Variants in DMBT1 observed in about 807,000 individuals in gnomAD.
DMBT1 encodes the protein deleted in malignant brain tumors 1, also known as scavenger receptor cysteine-rich domain-containing protein DMBT1.
Under a neutral mutation model 252.9 loss-of-function variants are expected in DMBT1, and 198 were observed. The ratio of observed to expected loss-of-function variants is 0.78; its 90% confidence interval spans 0.70 to 0.88. DMBT1 has a LOEUF of 0.88. Among genes scored for constraint, DMBT1 ranks in the 40% least tolerant of loss-of-function variants. The probability of loss-of-function intolerance (pLI) is 0.00; values close to 1 mark genes in which losing one functional copy is unlikely to be tolerated. For missense variants in DMBT1, 2,432 were observed against 2,404.7 expected (o/e 1.01, Z -0.24); for synonymous variants, 990 against 942.7 (o/e 1.05, Z -0.92).
Position 122,579,786 on chromosome 10 carries a change from T to G in DMBT1, c.888T>G (p.Ile296Met). 1.2e-6 allele frequency: 2 copies of G among 1,607,422 alleles called. No individual in the cohort carries two copies. The highest frequency in any genetic ancestry group is 1.7e-6 in the Non-Finnish European group (2 of 1,173,838). ...NAQFGQGSGP[I>M]VLDDVRCSGH... ...AGTTTGGCCAGGGCTCAGGACCCAT[T>G]GTCCTGGATGATGTGCGCTGCTCAG... The change falls in exon 10 of 56, where the codon ATT (isoleucine) becomes ATG (methionine). Residue 296 changes from isoleucine to methionine, a missense_variant. By Grantham distance (10) the Ile-to-Met change is conservative. This residue lies in a region of DMBT1 where 1,264 missense variants were observed against 1,082.2 expected (regional missense o/e 1.17). Transcript: ENST00000338354.
intron 8 of DMBT1, 142 bp downstream of exon 8, chr10:122,577,982 G>T: frequency 2.3e-6 from 2 of 867,586 alleles, no homozygotes; most frequent in Admixed American, 2.6e-5. Context: ...TGAGACCCTA[G>T]CATGGGGCTT....
rs75209396 is a variant in DMBT1 at position 122,570,905 on chromosome 10, C to G, written c.155C>G (p.Ser52Trp). 0.015 allele frequency: 24,272 copies of G among 1,613,340 alleles called. 1,509 individuals carry two copies. The African/African-American group carries it at 0.19, about 13-fold the overall frequency. Residue 52 changes from serine (S) to tryptophan (W), a missense_variant, in exon 4 of 56, where the codon TCG becomes TGG. Transcript: ENST00000338354. ...CACCCTGCAGGTTCTCCATTTCCCT[C>G]GGAGTCGACCCTGGAGTCAACTGTA... ...PTVAEGSPFP[S>W]ESTLESTVAE...
At chr10:122,581,016 C>G in intron 11 of DMBT1, 121 bp downstream of exon 11, 1 of 1,466,912 alleles carries the variant, frequency 6.8e-7, no homozygotes. Flanking sequence ...TATTTCCACC[C>G]CCAACACCGG....
chr10:122,599,129 T>TG, intron 26 of DMBT1, 32 bp downstream of exon 26: 4 of 1,612,936 alleles, frequency 2.5e-6, no homozygotes, highest in Non-Finnish European at 3.4e-6. Flanking sequence ...ATCACTCTCT[T>TG]GGGGTGGAGT....
At chr10:122,642,220 A>C (rs1844689934) in intron 55 of DMBT1, among the ~76,000 whole-genome samples, 1 of 152,046 alleles carries the variant, frequency 6.6e-6, no homozygotes. Flanking sequence ...ATTTGAGAGA[A>C]TCTGGGTTGC....
At chr10:122,628,455 G>A (rs1380934045) in intron 46 of DMBT1, among the ~76,000 whole-genome samples, 3 of 152,150 alleles carry the variant, frequency 2.0e-5, no homozygotes, top group Admixed American at 6.5e-5. Flanking sequence ...GGACAACGTG[G>A]TGAAACCCTG....
Position 122,579,609 on chromosome 10 carries a change from G to C in DMBT1, c.711G>C (p.Val237=), listed in dbSNP as rs538862158. The change falls in exon 10 of 56, where the codon GTG becomes GTC. Residue 237 remains valine, a synonymous_variant. Coordinates refer to ENST00000338354, the MANE Select transcript of DMBT1 (RefSeq NM_001377530.1). ...AATCCAGTTTGGCCCTGAGGCTGGTGAATGGAGGCGACAGGTGTCGAGGCC... is the reference window on the plus strand; with the variant it reads ...AATCCAGTTTGGCCCTGAGGCTGGTCAATGGAGGCGACAGGTGTCGAGGCC... ...GSESSLALRL[V]NGGDRCRGRV... 1.4e-5 allele frequency: 22 copies of C among 1,613,526 alleles called. No individual in the cohort carries two copies. In the African/African-American group the frequency reaches 2.7e-4, roughly 20 times the overall value.
In DMBT1 at chr10:122,632,841, T is replaced by A. The variant is rs1377818797; in HGVS notation, c.6368-20T>A. The A allele has an allele frequency of 1.2e-6, 2 of 1,613,268 alleles. No individual in the cohort carries two copies. ...AGGGATGCCAGAAAACTGATCCTGA[T>A]CTTTTCTTTTTGTCAACAGCTCCTT... On this transcript the variant is annotated intron_variant, in intron 50 of 55. Coordinates refer to ENST00000338354, the MANE Select transcript of DMBT1 (RefSeq NM_001377530.1).
Position 122,620,316 on chromosome 10 carries a change from T to TAGG in DMBT1, c.5284+26_5284+28dup, listed in dbSNP as rs767966112. On this transcript the variant is annotated intron_variant, in intron 43 of 55. Transcript: ENST00000338354. ...GGTAAATAATCCTCTCGCCCCTCCC[T>TAGG]AGGGCTCACTCTCTACCTCTGGACA... is the stretch of plus-strand genomic sequence containing the variant. The TAGG allele has an allele frequency of 4.3e-6, 7 of 1,612,772 alleles. No individual in the cohort carries two copies. In the Admixed American group the frequency reaches 1.2e-4, roughly 27 times the overall value.
intron 26 of DMBT1, among the ~76,000 whole-genome samples, chr10:122,599,373 G>A (rs535007403): frequency 1.3e-5 from 2 of 152,266 alleles, no homozygotes; most frequent in South Asian, 2.1e-4. Context: ...GCTCCCCAGG[G>A]CTCCATTTCT....
rs758435002 is a variant in DMBT1 at position 122,599,103 on chromosome 10, C to A, written c.3280+6C>A. 6.2e-6 allele frequency: 10 copies of A among 1,613,696 alleles called. No homozygotes were observed. In the South Asian group the frequency reaches 8.8e-5, roughly 14 times the overall value. ...CGCTGGTGTCATCTGCTCAGGTGGGCCTTCAAGAACTTGGGATCACTCTCT... is the reference window on the plus strand; with the variant it reads ...CGCTGGTGTCATCTGCTCAGGTGGGACTTCAAGAACTTGGGATCACTCTCT... On this transcript the variant is annotated splice_donor_region_variant and intron_variant, in intron 26 of 55. Transcript: ENST00000338354.
At chr10:122,631,796 C>T (rs896625143) in intron 49 of DMBT1, 59 bp from the exon 50 acceptor site, 22 of 1,594,884 alleles carry the variant, frequency 1.4e-5, no homozygotes, top group East Asian at 1.3e-4. Flanking sequence ...TGTCTCATTC[C>T]GGCCCCTCCT....
chr10:122,576,580 C>G lies in DMBT1; in HGVS notation c.465C>G (p.Ala155=). The change falls in exon 7 of 56, where the codon GCC becomes GCG. Residue 155 remains alanine (A), a synonymous_variant. Coordinates refer to ENST00000338354, the MANE Select transcript of DMBT1 (RefSeq NM_001377530.1). ...GGGCCATGTCAGCTCCAGGAAATGC[C>G]TGGTTTGGCCAGGGCTCAGGACCCA... ...CGWAMSAPGN[A]WFGQGSGPIA... The G allele has an allele frequency of 6.2e-7, 1 of 1,613,920 alleles. No individual in the cohort carries two copies.
At chr10:122,627,053 C>T (rs1203854190) in intron 46 of DMBT1, among the ~76,000 whole-genome samples, 1 of 152,096 alleles carries the variant, frequency 6.6e-6, no homozygotes, top group Admixed American at 6.6e-5. Flanking sequence ...GGTTAAGACT[C>T]CCATCTTTAT....
intron 4 of DMBT1, among the ~76,000 whole-genome samples, chr10:122,571,205 G>T (rs1015031808): frequency 2.6e-5 from 4 of 152,204 alleles, no homozygotes; most frequent in African/African-American, 9.7e-5. Flanking sequence ...AGGGTAAGTA[G>T]TACTGCCCCT....
rs565106021 is a variant in DMBT1, at chr10:122,592,508, C to A, written c.2413C>A (p.His805Asn). ...TCTGGATGATGTGCGCTGCTCAGGA[C>A]ACGAGTCCTACCTGTGGAGCTGCCC... ...IVLDDVRCSG[H>N]ESYLWSCPHN... Residue 805 changes from histidine (H) to asparagine (N), a missense_variant, in exon 20 of 56, where the codon CAC (histidine) becomes AAC (asparagine). Coordinates refer to ENST00000338354, the MANE Select transcript of DMBT1 (RefSeq NM_001377530.1). 1.7e-5 allele frequency: 27 copies of A among 1,588,104 alleles called. 1 individual carries two copies. Among genetic ancestry groups the A allele is most frequent in the Non-Finnish European group, 2.2e-5 (26 of 1,165,632 alleles).
At chr10:122,601,681 G>A in intron 28 of DMBT1, 116 bp from the exon 29 acceptor site, 7 of 1,158,746 alleles carry the variant, frequency 6.0e-6, no homozygotes, top group Non-Finnish European at 7.2e-6. Flanking sequence ...ATGCCCTGGT[G>A]ACTTCTGCAT....
chr10:122,591,567 A>G (rs555575994), intron 19 of DMBT1, 50 bp downstream of exon 19: 3 of 1,521,298 alleles, frequency 2.0e-6, no homozygotes, highest in Non-Finnish European at 2.7e-6. Context: ...ACCTCTGGAC[A>G]AATGTTTTCT....
intron 1 of DMBT1, among the ~76,000 whole-genome samples, chr10:122,563,305 AC>A (rs1214507996): frequency 7.9e-5 from 12 of 152,198 alleles, no homozygotes; most frequent in Admixed American, 7.9e-4. Flanking sequence ...AGTATCTGGC[AC>A]ATAGACAGAG....
Sources: allele counts gnomAD v4.1 joint callset (sites outside exome capture counted in the v4.1 genomes callset), GRCh38; gene constraint gnomAD v4.1.1; regional missense constraint gnomAD v4.1.1; transcripts MANE v1.5; gene names NCBI Gene and HGNC (gene_info 2026-07-23, HGNC 2026-07-21).